The following IPO5 variants were observed in gnomAD, a reference collection of about 807,000 sequenced individuals.
The protein encoded by IPO5 is importin 5, also known as importin-5.
Under a neutral mutation model 143.3 loss-of-function variants are expected in IPO5, and 18 were observed. That is an observed-to-expected ratio of 0.13 (90% CI 0.09 to 0.19). The LOEUF (loss-of-function observed/expected upper bound fraction) is 0.19, where lower values mean the gene tolerates loss of function less well. Among genes scored for constraint, IPO5 ranks in the 10% least tolerant of loss-of-function variants. The probability of loss-of-function intolerance (pLI) is 1.00; values close to 1 mark genes in which losing one functional copy is unlikely to be tolerated. For synonymous variants in IPO5, 477 were observed against 465.7 expected (o/e 1.02, Z -0.31); for missense variants, 1,013 against 1,336.9 (o/e 0.76, Z 3.78).
intron 25 of IPO5, among the ~76,000 whole-genome samples, chr13:98,017,270 T>A (rs1175839219): frequency 1.3e-5 from 2 of 151,818 alleles, no homozygotes; most frequent in Admixed American, 6.6e-5. Context: ...ATTTTTTTTT[T>A]ACCTTCTCTC....
intron 3 of IPO5, among the ~76,000 whole-genome samples, chr13:97,970,692 G>C (rs535968564): frequency 1.4e-4 from 21 of 152,300 alleles, no homozygotes; most frequent in African/African-American, 4.3e-4. Context: ...ATAATGGCTA[G>C]TGGCTACCAT....
chr13:97,978,701 G>GTAAGAGAA (rs1478380553), intron 4 of IPO5, among the ~76,000 whole-genome samples: 73 of 152,258 alleles, frequency 4.8e-4, no homozygotes, highest in Non-Finnish European at 9.4e-4. Flanking sequence ...TAATTAGTAA[G>GTAAGAGAA]CTAGTTTAAT....
intron 15 of IPO5, 37 bp from the exon 16 acceptor site, chr13:98,002,827 A>C: frequency 6.2e-7 from 1 of 1,600,720 alleles, no homozygotes; most frequent in South Asian, 1.1e-5. Context: ...AAGGGTGGAC[A>C]TTTCAACATG....
rs1394009100 is a variant in IPO5 at position 98,014,091 on chromosome 13, A to C, written c.2202A>C (p.Ala734=). Residue 734 remains alanine (A), a synonymous_variant, in exon 22 of 29, where the codon GCA becomes GCC. Coordinates refer to ENST00000651721, the MANE Select transcript of IPO5 (RefSeq NM_002271.6). ...CCATGCCTCTTCTCCTGGAGTGTGC[A>C]AGAGTCCGTGGTCCTGAGTATCTCA... ...AESMPLLLEC[A]RVRGPEYLTQ... is the part of the protein sequence containing the mutation. 1 of 1,614,060 alleles carries C rather than the reference A, an allele frequency of 6.2e-7. No individual in the cohort carries two copies.
intron 3 of IPO5, among the ~76,000 whole-genome samples, chr13:97,970,387 G>A (rs1048709820): frequency 7.2e-5 from 11 of 152,024 alleles, no homozygotes; most frequent in Admixed American, 3.9e-4. Flanking sequence ...TTGGGAGGCC[G>A]AGGCGGGTGG....
chr13:98,018,043 C>G (rs185864447), intron 25 of IPO5, among the ~76,000 whole-genome samples: 1 of 152,214 alleles, frequency 6.6e-6, no homozygotes, highest in African/African-American at 2.4e-5. Flanking sequence ...TTTTGGCTTT[C>G]AATTTTGCAT....
intron 4 of IPO5, 189 bp downstream of exon 4, chr13:97,976,975 T>C: frequency 5.5e-6 from 1 of 183,344 alleles, no homozygotes; most frequent in Non-Finnish European, 1.2e-5. Flanking sequence ...TTCCGGCCAT[T>C]GCTGCCGCGG....
At chr13:97,968,105 G>C (rs1885508854) in intron 2 of IPO5, among the ~76,000 whole-genome samples, 2 of 152,154 alleles carry the variant, frequency 1.3e-5, no homozygotes, top group African/African-American at 4.8e-5. Context: ...TTAGAGACAT[G>C]AGGCACCGTG....
intron 4 of IPO5, among the ~76,000 whole-genome samples, chr13:97,981,600 A>AC (rs1274163306): frequency 6.6e-6 from 1 of 152,218 alleles, no homozygotes; most frequent in South Asian, 2.1e-4. Context: ...AATCAATGTT[A>AC]CCCACATTAG....
intron 11 of IPO5, 94 bp downstream of exon 11, chr13:97,993,319 A>C (rs955816765): frequency 6.8e-6 from 7 of 1,031,296 alleles, no homozygotes; most frequent in Non-Finnish European, 1.0e-5. Flanking sequence ...ATTGTTGAGA[A>C]TATAATGAAT....
chr13:97,997,063 T>G (rs1888354736), intron 11 of IPO5, among the ~76,000 whole-genome samples: 1 of 152,212 alleles, frequency 6.6e-6, no homozygotes, highest in Admixed American at 6.5e-5. Context: ...TATGTTTATA[T>G]AATGGAATGC....
intron 20 of IPO5, among the ~76,000 whole-genome samples, chr13:98,010,947 C>G (rs113000058): frequency 1.5e-4 from 22 of 150,912 alleles, no homozygotes; most frequent in African/African-American, 4.6e-4. Flanking sequence ...CAGCTGGCTA[C>G]TTTTTGTATT....
chr13:97,961,902 G>A (rs1884917367), intron 2 of IPO5, among the ~76,000 whole-genome samples: 1 of 152,172 alleles, frequency 6.6e-6, no homozygotes, highest in Non-Finnish European at 1.5e-5. Flanking sequence ...ACCAAAGTGA[G>A]TGGATCACTT....
At chr13:97,985,067 A>G (rs137971890) in intron 5 of IPO5, among the ~76,000 whole-genome samples, 1 of 152,278 alleles carries the variant, frequency 6.6e-6, no homozygotes, top group African/African-American at 2.4e-5. Context: ...ATATTCTAGA[A>G]TGAGACCAGA....
intron 17 of IPO5, 24 bp from the exon 18 acceptor site, chr13:98,008,035 G>T (rs766913595): frequency 2.0e-6 from 3 of 1,491,318 alleles, no homozygotes; most frequent in African/African-American, 2.8e-5. Context: ...ATCAACAAGT[G>T]TGTCTCTACA....
rs570973958 is a variant in IPO5, at chr13:98,008,119, G to A, written c.1777G>A (p.Asp593Asn). 3.1e-6 allele frequency: 5 copies of A among 1,608,462 alleles called. No homozygotes were observed. The South Asian group carries it at 5.5e-5, about 18-fold the overall frequency. The change falls in exon 18 of 29, where the codon GAT becomes AAT. Residue 593 changes from aspartate (D) to asparagine (N), a missense_variant. Transcript: ENST00000651721. The part of the protein sequence containing the change: ...LLLKTQTDFN[D>N]MEDDDPQISY... ...GTTAAAGACCCAGACAGACTTCAAT[G>A]ATATGGAAGATGATGATCCTCAGGT...
At chr13:97,996,310 C>T (rs999600131) in intron 11 of IPO5, among the ~76,000 whole-genome samples, 3 of 152,104 alleles carry the variant, frequency 2.0e-5, no homozygotes, top group African/African-American at 2.4e-5. Context: ...CTAAGCCTCC[C>T]GAAGTGCTGG....
intron 2 of IPO5, among the ~76,000 whole-genome samples, chr13:97,969,173 ATATTTT>A (rs1246418232): frequency 2.9e-5 from 2 of 70,142 alleles, no homozygotes; most frequent in African/African-American, 6.7e-5. Flanking sequence ...ATATATATAT[ATATTTT>A]TTTTTTTTTT....
intron 6 of IPO5, among the ~76,000 whole-genome samples, chr13:97,988,804 CTG>C (rs1887585819): frequency 6.6e-6 from 1 of 151,834 alleles, no homozygotes; most frequent in Non-Finnish European, 1.5e-5. Flanking sequence ...AGAAGAACCT[CTG>C]TTAATATCTG....
Sources: allele counts gnomAD v4.1 joint callset (sites outside exome capture counted in the v4.1 genomes callset), GRCh38; gene constraint gnomAD v4.1.1; transcripts MANE v1.5; gene names NCBI Gene and HGNC (gene_info 2026-07-23, HGNC 2026-07-21).